Variants in CSMD1 observed in about 807,000 individuals in gnomAD.
CSMD1 encodes CUB and sushi domain-containing protein 1.
A neutral mutation model predicts 417.5 loss-of-function variants in CSMD1; 213 were observed. The ratio of observed to expected loss-of-function variants is 0.51; its 90% CI spans 0.46 to 0.57. CSMD1 has a LOEUF of 0.57. Ranked by LOEUF, CSMD1 falls within the 20% of genes least tolerant of loss-of-function variation. The pLI is 0.00. For synonymous variants in CSMD1, 2,862 were observed against 1,736.8 expected (o/e 1.65, Z -16.11); for missense variants, 6,923 against 4,529.7 (o/e 1.53, Z -15.17).
chr8:3,274,858 C>G (rs1035684310), intron 26 of CSMD1, among the ~76,000 whole-genome samples: 1 of 152,162 alleles, frequency 6.6e-6, no homozygotes, highest in Non-Finnish European at 1.5e-5. Flanking sequence ...ATAGTGCACA[C>G]TGATGGGTCT....
At chr8:4,273,774 G>C (rs775314127) in intron 3 of CSMD1, among the ~76,000 whole-genome samples, 20 of 152,170 alleles carry the variant, frequency 1.3e-4, no homozygotes, top group African/African-American at 4.3e-4. Flanking sequence ...TTTAGCCTCT[G>C]TAAGCTTCTG....
At chr8:3,775,201 T>C (rs1227642387) in intron 5 of CSMD1, among the ~76,000 whole-genome samples, 1 of 152,222 alleles carries the variant, frequency 6.6e-6, no homozygotes, top group African/African-American at 2.4e-5. Flanking sequence ...AAAAAGAATT[T>C]TGAAAGGTTT....
At chr8:4,129,893 T>C (rs183448859) in intron 3 of CSMD1, among the ~76,000 whole-genome samples, 2 of 152,308 alleles carry the variant, frequency 1.3e-5, no homozygotes, top group African/African-American at 4.8e-5. Flanking sequence ...GTGAATATAA[T>C]ATATCCTTTT....
intron 5 of CSMD1, among the ~76,000 whole-genome samples, chr8:3,852,548 G>A (rs919045026): frequency 6.6e-6 from 1 of 152,176 alleles, no homozygotes; most frequent in Non-Finnish European, 1.5e-5. Flanking sequence ...GTTAGGGATT[G>A]AGGAAGGTGG....
chr8:3,819,727 C>G (rs1416609142), intron 5 of CSMD1, among the ~76,000 whole-genome samples: 1 of 152,142 alleles, frequency 6.6e-6, no homozygotes, highest in Non-Finnish European at 1.5e-5. Flanking sequence ...ACTGGGACCA[C>G]AGGCACATGT....
intron 17 of CSMD1, among the ~76,000 whole-genome samples, chr8:3,394,837 A>G (rs1811589950): frequency 6.6e-6 from 1 of 152,214 alleles, no homozygotes; most frequent in African/African-American, 2.4e-5. Flanking sequence ...CAAATGTTGT[A>G]TATCTATATA....
intron 7 of CSMD1, among the ~76,000 whole-genome samples, chr8:3,687,441 T>C (rs1031259905): frequency 6.6e-6 from 1 of 152,240 alleles, no homozygotes; most frequent in Non-Finnish European, 1.5e-5. Context: ...AAATAAATTA[T>C]GGAAGCAGAG....
chr8:4,530,440 T>C (rs111840884), intron 2 of CSMD1, among the ~76,000 whole-genome samples: 13,865 of 148,836 alleles, frequency 0.093, 736 homozygotes, highest in Admixed American at 0.17. Context: ...ACCCATCATC[T>C]AGGTTTTAAT....
At chr8:3,767,132 T>A (rs1375130171) in intron 5 of CSMD1, among the ~76,000 whole-genome samples, 1 of 152,242 alleles carries the variant, frequency 6.6e-6, no homozygotes, top group Non-Finnish European at 1.5e-5. Flanking sequence ...CCGCTGAGGC[T>A]GCTGTGTCTC....
intron 1 of CSMD1, among the ~76,000 whole-genome samples, chr8:4,726,226 G>C (rs144680383): frequency 1.3e-5 from 2 of 151,682 alleles, no homozygotes; most frequent in African/African-American, 4.8e-5. Flanking sequence ...CCCATATTAG[G>C]GTCAGAAAAA....
intron 1 of CSMD1, 35 bp from the exon 2 acceptor site, chr8:4,637,593 T>C: frequency 7.2e-7 from 1 of 1,392,086 alleles, no homozygotes; most frequent in Non-Finnish European, 1.0e-6. Flanking sequence ...AAGCATATTA[T>C]TCTGGCCATC....
At chr8:3,546,011 TGAGA>T (rs1798643760) in intron 10 of CSMD1, among the ~76,000 whole-genome samples, 2 of 152,352 alleles carry the variant, frequency 1.3e-5, no homozygotes, top group East Asian at 1.9e-4. Context: ...CACATGACAC[TGAGA>T]AAGATTTCTC....
intron 1 of CSMD1, among the ~76,000 whole-genome samples, chr8:4,676,371 T>C (rs571196849): frequency 6.6e-6 from 1 of 152,128 alleles, no homozygotes; most frequent in Non-Finnish European, 1.5e-5. Flanking sequence ...TGCCCTAATA[T>C]TAGCTATGTC....
intron 5 of CSMD1, among the ~76,000 whole-genome samples, chr8:3,771,528 G>C (rs1033169792): frequency 3.9e-5 from 6 of 152,084 alleles, no homozygotes; most frequent in Non-Finnish European, 7.3e-5. Flanking sequence ...CTGCTCATTT[G>C]GGTGACTGGA....
chr8:4,962,859 A>C (rs1809598907), intron 1 of CSMD1, among the ~76,000 whole-genome samples: 1 of 152,210 alleles, frequency 6.6e-6, no homozygotes, highest in African/African-American at 2.4e-5. Context: ...GGTGTCCTAA[A>C]TGCAGAGGCA....
intron 3 of CSMD1, among the ~76,000 whole-genome samples, chr8:4,065,866 T>C (rs1032099313): frequency 6.6e-6 from 1 of 152,204 alleles, no homozygotes. Flanking sequence ...AAAGTTTTCC[T>C]TCACTGTCTT....
At chr8:3,251,554 T>G (rs1422235209) in intron 26 of CSMD1, among the ~76,000 whole-genome samples, 1 of 152,170 alleles carries the variant, frequency 6.6e-6, no homozygotes, top group Non-Finnish European at 1.5e-5. Context: ...CGGGCTCTTT[T>G]TTGGTTCCAT....
intron 3 of CSMD1, among the ~76,000 whole-genome samples, chr8:4,268,318 G>A (rs1282951595): frequency 6.6e-6 from 1 of 152,040 alleles, no homozygotes; most frequent in African/African-American, 2.4e-5. Context: ...AAACCATTAT[G>A]ACCTGAATAT....
rs757972965 is a variant in CSMD1, at chr8:3,539,480, C to G, written c.1344+35465G>C. ...TGTGTTCTAATCTGCATCTCCAGAG[C>G]CTAAAACACAGCTACACATGTGCAT... On this transcript the variant is annotated intron_variant, in intron 10 of 69. Coordinates refer to ENST00000635120, the MANE Select transcript of CSMD1 (RefSeq NM_033225.6). Among the ~76,000 whole-genome samples, 26 of 152,140 alleles carry G rather than the reference C, an allele frequency of 1.7e-4. 1 individual carries two copies. Among genetic ancestry groups the G allele is most frequent in the Admixed American group, 3.9e-4 (6 of 15,280 alleles).
Sources: allele counts gnomAD v4.1 joint callset (sites outside exome capture counted in the v4.1 genomes callset), GRCh38; gene constraint gnomAD v4.1.1; transcripts MANE v1.5; gene names NCBI Gene and HGNC (gene_info 2026-07-23, HGNC 2026-07-21).